Variants in CSMD3 observed in about 807,000 individuals in gnomAD.
CSMD3 encodes CUB and sushi domain-containing protein 3.
In CSMD3, 177 loss-of-function variants were observed where a neutral mutation model predicts 435.2. The ratio of observed to expected loss-of-function variants is 0.41; its 90% CI spans 0.36 to 0.46. The LOEUF (loss-of-function observed/expected upper bound fraction) is 0.46. CSMD3 is among the 20% of genes least tolerant of loss of function. The probability of loss-of-function intolerance (pLI) is 0.34; values close to 1 mark genes in which losing one functional copy is unlikely to be tolerated. For missense variants in CSMD3, 4,265 were observed against 4,504.6 expected, an observed-to-expected ratio of 0.95 and a Z score of 1.52; for synonymous variants, 1,656 against 1,520.5, an observed-to-expected ratio of 1.09 and a Z score of -2.07.
chr8:112,351,656 AG>A (rs1262746798), intron 39 of CSMD3, among the ~76,000 whole-genome samples: 3 of 152,028 alleles, frequency 2.0e-5, no homozygotes, highest in Admixed American at 6.6e-5. Context: ...TATTAAAACA[AG>A]TCAAAGTATA....
chr8:112,965,434 T>C (rs746293833), intron 7 of CSMD3, among the ~76,000 whole-genome samples: 2 of 151,850 alleles, frequency 1.3e-5, no homozygotes, highest in Non-Finnish European at 2.9e-5. Flanking sequence ...AGATATCTGA[T>C]TAACGGTTAC....
chr8:112,652,296 T>G (rs748993290), intron 18 of CSMD3, among the ~76,000 whole-genome samples: 2 of 152,130 alleles, frequency 1.3e-5, no homozygotes, highest in Non-Finnish European at 2.9e-5. Context: ...CTTCTCAACC[T>G]TTAACAGAAA....
intron 5 of CSMD3, among the ~76,000 whole-genome samples, chr8:113,094,550 T>C (rs909658276): frequency 6.6e-6 from 1 of 152,174 alleles, no homozygotes; most frequent in African/African-American, 2.4e-5. Flanking sequence ...TAAATAAAAA[T>C]TCTTCTCACG....
At chr8:113,251,288 T>C (rs2093332928) in intron 3 of CSMD3, among the ~76,000 whole-genome samples, 1 of 152,088 alleles carries the variant, frequency 6.6e-6, no homozygotes, top group South Asian at 2.1e-4. Flanking sequence ...AAGAATTTCA[T>C]ACATGAAAGT....
At chr8:113,031,559 G>A (rs566335251) in intron 5 of CSMD3, among the ~76,000 whole-genome samples, 1 of 151,674 alleles carries the variant, frequency 6.6e-6, no homozygotes, top group East Asian at 1.9e-4. Flanking sequence ...GATAGCTGAA[G>A]GGATTCTTGT....
At chr8:113,060,502 T>C (rs1179492293) in intron 5 of CSMD3, among the ~76,000 whole-genome samples, 1 of 152,082 alleles carries the variant, frequency 6.6e-6, no homozygotes, top group Non-Finnish European at 1.5e-5. Flanking sequence ...TCCTTAGAAC[T>C]ATATACCATA....
chr8:113,090,312 T>A (rs905169167), intron 5 of CSMD3, among the ~76,000 whole-genome samples: 1 of 152,136 alleles, frequency 6.6e-6, no homozygotes, highest in Non-Finnish European at 1.5e-5. Flanking sequence ...TATATTTTGA[T>A]GATCTGAATT....
chr8:112,336,759 T>A lies in CSMD3; in HGVS notation c.6912A>T (p.Pro2304=), dbSNP rs1450838175. The change falls in exon 44 of 71, where the codon CCA becomes CCT. Residue 2304 remains proline (P), a synonymous_variant. Transcript: ENST00000297405. Reference sequence around the variant, plus strand: ...CAAGCCAAAAACAATCTTGAAAGTTTGGATATTCATCAGGATACCCAGGAG... The same window carrying A: ...CAAGCCAAAAACAATCTTGAAAGTTAGGATATTCATCAGGATACCCAGGAG... ...IYSPGYPDEY[P]NFQDCFWLVR... 1 of 1,613,230 alleles carries A rather than the reference T, an allele frequency of 6.2e-7. No individual in the cohort carries two copies. Among genetic ancestry groups the A allele is most frequent in the Non-Finnish European group, 8.5e-7 (1 of 1,179,384 alleles).
chr8:112,478,001 G>A (rs923615365), intron 31 of CSMD3, among the ~76,000 whole-genome samples: 1 of 152,080 alleles, frequency 6.6e-6, no homozygotes, highest in Non-Finnish European at 1.5e-5. Context: ...AAGTCTCACA[G>A]GATCTGATGA....
chr8:112,446,057 A>C (rs896355876), intron 32 of CSMD3, among the ~76,000 whole-genome samples: 3 of 152,198 alleles, frequency 2.0e-5, no homozygotes, highest in African/African-American at 4.8e-5. Context: ...AATATTTTCT[A>C]TATTTTATTC....
intron 3 of CSMD3, among the ~76,000 whole-genome samples, chr8:113,206,343 T>A (rs556687458): frequency 2.2e-4 from 34 of 152,342 alleles, no homozygotes; most frequent in African/African-American, 8.2e-4. Context: ...TTTTTCCATT[T>A]AATTTTCAAT....
At chr8:112,986,942 TTC>T (rs1260259327) in intron 6 of CSMD3, among the ~76,000 whole-genome samples, 3 of 152,050 alleles carry the variant, frequency 2.0e-5, no homozygotes, top group Non-Finnish European at 4.4e-5. Context: ...TATAGATAGT[TTC>T]TATGAGTTTC....
chr8:113,211,051 C>T (rs1258243458), intron 3 of CSMD3, among the ~76,000 whole-genome samples: 2 of 152,048 alleles, frequency 1.3e-5, no homozygotes, highest in Non-Finnish European at 2.9e-5. Context: ...TGATGATGTG[C>T]TATGTTAAAT....
At chr8:112,502,689 T>C (rs1251802626) in intron 30 of CSMD3, among the ~76,000 whole-genome samples, 1 of 152,152 alleles carries the variant, frequency 6.6e-6, no homozygotes. Flanking sequence ...AAAGTAAGAA[T>C]AAAGAGATCT....
chr8:112,899,662 TAC>T (rs60352918), intron 10 of CSMD3, among the ~76,000 whole-genome samples: 16,944 of 121,490 alleles, frequency 0.14, 1,295 homozygotes, highest in African/African-American at 0.21. Context: ...CGCAAATACA[TAC>T]ACACACACAC....
intron 13 of CSMD3, among the ~76,000 whole-genome samples, chr8:112,718,477 C>T (rs1037229271): frequency 1.3e-5 from 2 of 150,710 alleles, no homozygotes; most frequent in African/African-American, 4.9e-5. Context: ...TTTATATGAA[C>T]AATTCCTGTT....
rs1269325077 is a variant in CSMD3 at position 113,046,949 on chromosome 8, G to C, written c.918-27770C>G. ...GGCTGTGCCAGGAAGAGTTTATTCT[G>C]CGTCTCTGTTCTATCTAGCTTTTGA... On this transcript the variant is annotated intron_variant, in intron 5 of 70. Transcript: ENST00000297405. 4.6e-5 allele frequency among the ~76,000 whole-genome samples: 7 copies of C among 152,204 alleles called. No individual in the cohort carries two copies. The East Asian group carries it at 1.4e-3, about 29-fold the overall frequency.
chr8:113,330,961 A>C (rs2094023199), intron 1 of CSMD3, among the ~76,000 whole-genome samples: 1 of 151,862 alleles, frequency 6.6e-6, no homozygotes, highest in Non-Finnish European at 1.5e-5. Flanking sequence ...ACTGCACCCA[A>C]CAAAGACCAT....
intron 1 of CSMD3, among the ~76,000 whole-genome samples, chr8:113,337,006 T>C (rs538945926): frequency 3.1e-4 from 47 of 152,260 alleles, no homozygotes; most frequent in African/African-American, 1.0e-3. Context: ...TTGGCTGGTA[T>C]AGGACATATA....
Sources: gnomAD v4.1 joint callset for allele counts (sites outside exome capture counted in the v4.1 genomes callset) on GRCh38, gnomAD v4.1.1 for gene constraint, MANE v1.5 for transcripts, NCBI Gene and HGNC (gene_info 2026-07-23, HGNC 2026-07-21) for gene names.